The following GRAMD4 variants were observed in gnomAD, a reference collection of about 807,000 sequenced individuals.
The protein encoded by GRAMD4 is GRAM domain containing 4, also known as GRAM domain-containing protein 4.
In GRAMD4, 25 loss-of-function variants were observed where a neutral mutation model predicts 83.9. The observed-to-expected ratio is 0.30, with a 90% CI of 0.22 to 0.42. The LOEUF (loss-of-function observed/expected upper bound fraction) is 0.42, where lower values mean the gene tolerates loss of function less well. Among genes scored for constraint, GRAMD4 ranks in the 10% least tolerant of loss-of-function variants. GRAMD4 has a pLI of 1.00. For missense variants in GRAMD4, 593 were observed against 788.7 expected (o/e 0.75, Z 2.97); for synonymous variants, 336 against 320.9 (o/e 1.05, Z -0.50).
upstream of GRAMD4, chr22:46,620,197 G>A (rs142633134): frequency 7.9e-4 from 371 of 466,700 alleles, 1 homozygote; most frequent in African/African-American, 7.4e-3. The surrounding 1 kb of genome is among the most constrained non-coding windows in gnomAD (Gnocchi z 4.7). Flanking sequence ...CCTAGACACT[G>A]TTGCCTTTGT....
intron 1 of GRAMD4, among the ~76,000 whole-genome samples, chr22:46,607,414 C>T (rs1429594061): frequency 2.6e-5 from 4 of 152,170 alleles, no homozygotes; most frequent in African/African-American, 9.7e-5. Flanking sequence ...GGCTGGGTGA[C>T]AGGTGTAGGG....
chr22:46,586,377 G>T (rs560618405), intron 1 of GRAMD4, among the ~76,000 whole-genome samples: 133 of 152,170 alleles, frequency 8.7e-4, no homozygotes, highest in African/African-American at 3.1e-3. Context: ...TGCGATGGTC[G>T]GAGGCATTTG....
intron 3 of GRAMD4, among the ~76,000 whole-genome samples, chr22:46,653,320 C>T (rs1458771367): frequency 1.3e-5 from 2 of 152,172 alleles, no homozygotes; most frequent in Non-Finnish European, 2.9e-5. Context: ...CCTCTGGGCT[C>T]TGAGCAGTGA....
At chr22:46,661,355 T>C in intron 4 of GRAMD4, 26 bp from the exon 5 acceptor site, 2 of 1,602,300 alleles carry the variant, frequency 1.2e-6, no homozygotes, top group Non-Finnish European at 1.7e-6. Flanking sequence ...ACAGACCTCT[T>C]GTCTCTTCTC....
chr22:46,663,279 G>C, intron 6 of GRAMD4, 107 bp downstream of exon 6: 1 of 1,111,512 alleles, frequency 9.0e-7, no homozygotes, highest in Non-Finnish European at 1.3e-6. Context: ...AAAGCTGTCT[G>C]TGAGGCTGCC....
intron 1 of GRAMD4, among the ~76,000 whole-genome samples, chr22:46,594,051 A>G (rs914951163): frequency 1.3e-5 from 2 of 151,576 alleles, no homozygotes; most frequent in Non-Finnish European, 2.9e-5. Flanking sequence ...TAATAATGTA[A>G]TGGGAACCTC....
chr22:46,657,231 T>C (rs569747595), intron 3 of GRAMD4, among the ~76,000 whole-genome samples: 6 of 152,334 alleles, frequency 3.9e-5, no homozygotes, highest in Admixed American at 3.9e-4. Context: ...ACCGAGGACC[T>C]GTGGGCGTTC....
At position 46,677,451 on chromosome 22, in the gene GRAMD4, C is replaced by T. The variant is rs986250862; in HGVS notation, c.*200C>T. ...CAGGGCTCACAGGGACGGGGGTGCC[C>T]CTCTCCCACAGGGCACGTCAGGTGC... On this transcript the variant is annotated 3_prime_UTR_variant, in exon 19 of 19. Transcript: ENST00000406902. The T allele has an allele frequency of 7.4e-6, 10 of 1,347,202 alleles. No homozygotes were observed. The highest frequency in any genetic ancestry group is 2.7e-5 in the East Asian group (1 of 36,524). The allele number at this position is 1,347,202 out of a possible 1,614,324, so 83.5% of individuals were successfully genotyped here. A position where few individuals can be genotyped will look rare whatever the true frequency, so the allele number is the denominator to read the frequency against.
chr22:46,612,797 C>T (rs1395642163), intron 1 of GRAMD4, among the ~76,000 whole-genome samples: 9 of 152,258 alleles, frequency 5.9e-5, no homozygotes, highest in Non-Finnish European at 1.0e-4. Context: ...AAGGACAAGC[C>T]GTGCTGGCCA....
At position 46,621,991 on chromosome 22, in the gene GRAMD4, C is replaced by G. The variant is rs1009610480; in HGVS notation, c.-50+1426C>G. The stretch of plus-strand genomic sequence containing the variant: ...ATGTGTGGACGCCCTCCCCAAGGGC[C>G]GCTGTGAACCATCCAGCAGGATGAC... On this transcript the variant is annotated intron_variant, in intron 1 of 18. Transcript: ENST00000406902. This position sits in a 1 kb window ranked among gnomAD's most constrained non-coding sequence, Gnocchi z 5.8. Among the ~76,000 whole-genome samples the G allele has an allele frequency of 6.6e-6, 1 of 152,152 alleles. No individual in the cohort carries two copies. The highest frequency in any genetic ancestry group is 2.1e-4 in the South Asian group (1 of 4,830).
intron 3 of GRAMD4, among the ~76,000 whole-genome samples, chr22:46,649,602 T>C (rs962754043): frequency 1.3e-5 from 2 of 152,244 alleles, no homozygotes; most frequent in African/African-American, 4.8e-5. Flanking sequence ...AAAACGGTGG[T>C]TGGCCAGCTA....
chr22:46,582,907 C>A (rs536689089), intron 1 of GRAMD4, among the ~76,000 whole-genome samples: 1 of 152,220 alleles, frequency 6.6e-6, no homozygotes, highest in Non-Finnish European at 1.5e-5. Context: ...TCCTCCCTGC[C>A]TGTGGTGACC....
intron 1 of GRAMD4, among the ~76,000 whole-genome samples, chr22:46,583,727 G>A (rs1037498249): frequency 1.3e-5 from 2 of 152,234 alleles, no homozygotes; most frequent in African/African-American, 4.8e-5. Context: ...ACCACGTCAC[G>A]CCAGGCGCAT....
intron 3 of GRAMD4, among the ~76,000 whole-genome samples, chr22:46,652,531 C>T (rs1457436031): frequency 2.0e-5 from 3 of 152,234 alleles, no homozygotes; most frequent in African/African-American, 7.2e-5. Flanking sequence ...CACCAAGGGG[C>T]TCCGTGGCCT....
At chr22:46,625,158 C>T (rs1400615141) in intron 1 of GRAMD4, among the ~76,000 whole-genome samples, 1 of 152,184 alleles carries the variant, frequency 6.6e-6, no homozygotes, top group Non-Finnish European at 1.5e-5. Flanking sequence ...CCGCGCCCAG[C>T]GTCCTGTGGG....
chr22:46,586,210 C>G (rs775032597), intron 1 of GRAMD4, among the ~76,000 whole-genome samples: 3 of 152,138 alleles, frequency 2.0e-5, no homozygotes, highest in Non-Finnish European at 4.4e-5. Context: ...TGCCTATGCC[C>G]TTACCTGGGG....
chr22:46,680,715 C>A (rs1332731329), downstream of GRAMD4, among the ~76,000 whole-genome samples: 15 of 145,394 alleles, frequency 1.0e-4, no homozygotes, highest in African/African-American at 2.3e-4. Context: ...TCCATCCATC[C>A]ACCCACCCAC....
intron 3 of GRAMD4, among the ~76,000 whole-genome samples, chr22:46,646,997 C>T (rs1243877653): frequency 1.3e-5 from 2 of 152,176 alleles, no homozygotes; most frequent in East Asian, 1.9e-4. Flanking sequence ...ACAAGAACAG[C>T]ACAGGAGAGA....
chr22:46,599,975 C>T (rs962662396), intron 1 of GRAMD4, among the ~76,000 whole-genome samples: 3 of 152,174 alleles, frequency 2.0e-5, no homozygotes, highest in Non-Finnish European at 2.9e-5. Flanking sequence ...GACTGTCTGT[C>T]GAGTGGCTGA....
Sources: gnomAD v4.1 joint callset for allele counts (sites outside exome capture counted in the v4.1 genomes callset) on GRCh38, gnomAD v4.1.1 for gene constraint, Gnocchi (gnomAD v3.1) non-coding constraint, MANE v1.5 for transcripts, NCBI Gene and HGNC (gene_info 2026-07-23, HGNC 2026-07-21) for gene names.